Variants in NEDD8 observed in about 807,000 individuals in gnomAD.
NEDD8 encodes the protein NEDD8 ubiquitin like modifier.
Under a neutral mutation model 13.8 loss-of-function variants are expected in NEDD8, and 1 was observed. The observed-to-expected ratio is 0.07, with a 90% CI of 0.03 to 0.34. The LOEUF is 0.34. Among genes scored for constraint, NEDD8 ranks in the 10% least tolerant of loss-of-function variants. The probability of loss-of-function intolerance (pLI) is 0.99; values close to 1 mark genes in which losing one functional copy is unlikely to be tolerated. For synonymous variants in NEDD8, 31 were observed against 33.2 expected, an observed-to-expected ratio of 0.93 and a Z score of 0.23; for missense variants, 10 against 95.2, an observed-to-expected ratio of 0.10 and a Z score of 3.73.
chr14:24,226,493 C>T (rs1218626251), intron 1 of NEDD8: 1 of 146,144 alleles, frequency 6.8e-6, no homozygotes, highest in African/African-American at 2.5e-5. Flanking sequence ...CAAAACAAAA[C>T]AAAACAAAAG....
intron 1 of NEDD8, among the ~76,000 whole-genome samples, chr14:24,220,823 T>C (rs1210175651): frequency 1.3e-5 from 2 of 152,260 alleles, no homozygotes; most frequent in African/African-American, 4.8e-5. Context: ...TGTGCTTTTA[T>C]TTCTGTACTC....
Position 24,227,328 on chromosome 14 carries a change from G to T in NEDD8, c.18+4922C>A, listed in dbSNP as rs893452692. On this transcript the variant is annotated intron_variant, in intron 1 of 3. Coordinates refer to ENST00000250495, the MANE Select transcript of NEDD8 (RefSeq NM_006156.3). ...CAATGAGGAAATCAATGAAGGATCT[G>T]GGGTTAGGGAGTAATATAATGAAAA... 6 of 152,170 alleles carry T rather than the reference G, an allele frequency of 3.9e-5. No individual in the cohort carries two copies. In the East Asian group the frequency reaches 1.2e-3, roughly 29 times the overall value. 9.4% of individuals were successfully genotyped at this position (152,170 alleles called of 1,614,324 possible).
chr14:24,232,062 G>C (rs1371379772), intron 1 of NEDD8, 188 bp downstream of exon 1: 6 of 823,654 alleles, frequency 7.3e-6, no homozygotes, highest in Admixed American at 3.0e-5. Context: ...TCGTCAGGTG[G>C]GACCTGGGCC....
intron 1 of NEDD8, among the ~76,000 whole-genome samples, chr14:24,223,092 A>AG (rs1017976911): frequency 6.2e-5 from 9 of 145,022 alleles, no homozygotes; most frequent in Non-Finnish European, 1.2e-4. Flanking sequence ...TTTCAAAAAA[A>AG]AAAAAAAAAA....
At chr14:24,222,405 G>A (rs1043504616) in intron 1 of NEDD8, among the ~76,000 whole-genome samples, 5 of 152,148 alleles carry the variant, frequency 3.3e-5, no homozygotes, top group African/African-American at 1.2e-4. Context: ...AAGCTTGGAA[G>A]GGTATATACA....
chr14:24,232,176 TC>T, intron 1 of NEDD8, 73 bp downstream of exon 1: 2 of 1,608,208 alleles, frequency 1.2e-6, no homozygotes, highest in Middle Eastern at 1.7e-4. Context: ...TGGTTTTCCT[TC>T]CCCACGTCTC....
intron 1 of NEDD8, among the ~76,000 whole-genome samples, chr14:24,219,713 T>C (rs2039770277): frequency 6.6e-6 from 1 of 152,184 alleles, no homozygotes. Context: ...GCTCTATCTG[T>C]ATTAGTCTAC....
At chr14:24,222,167 C>A (rs143136548) in intron 1 of NEDD8, among the ~76,000 whole-genome samples, 7 of 152,124 alleles carry the variant, frequency 4.6e-5, no homozygotes, top group African/African-American at 1.4e-4. Context: ...GTTATTGCAA[C>A]CTTTTGATAC....
chr14:24,231,014 C>A (rs1199719109), intron 1 of NEDD8, among the ~76,000 whole-genome samples: 1 of 152,112 alleles, frequency 6.6e-6, no homozygotes, highest in Admixed American at 6.5e-5. Flanking sequence ...CTCGGCCTCC[C>A]GAATAGCTGG....
chr14:24,218,573 AG>A, intron 1 of NEDD8, 142 bp from the exon 2 acceptor site: 1 of 1,202,544 alleles, frequency 8.3e-7, no homozygotes, highest in Non-Finnish European at 1.2e-6. Context: ...GAGAATGAGA[AG>A]GCTTTGAACA....
At position 24,216,904 on chromosome 14, in the gene NEDD8, TAA is replaced by T. The variant is rs1337424599; in HGVS notation, c.*221_*222del. ...TTATTGACAACCAGGGACACAGTCATAAGAGAGGGAAGCACACAGGACTGCAA... is the reference window on the plus strand; with the variant it reads ...TTATTGACAACCAGGGACACAGTCATGAGAGGGAAGCACACAGGACTGCAA... On this transcript the variant is annotated 3_prime_UTR_variant, in exon 4 of 4. Transcript: ENST00000250495. 2 of 516,082 alleles carry T rather than the reference TAA, an allele frequency of 3.9e-6. No individual in the cohort carries two copies. Among genetic ancestry groups the T allele is most frequent in the Non-Finnish European group, 7.0e-6 (2 of 284,524 alleles). The allele number at this position is 516,082 out of a possible 1,614,324, so 32.0% of individuals were successfully genotyped here.
intron 2 of NEDD8, 31 bp from the exon 3 acceptor site, chr14:24,218,246 G>A (rs2039742355): frequency 6.2e-7 from 1 of 1,614,128 alleles, no homozygotes; most frequent in Non-Finnish European, 8.5e-7. Flanking sequence ...AGGGGCTGCT[G>A]CTTAGGGGTA....
intron 1 of NEDD8, 71 bp from the exon 2 acceptor site, chr14:24,218,502 A>G (rs2039746211): frequency 6.2e-7 from 1 of 1,610,462 alleles, no homozygotes. Context: ...AAAACATCCT[A>G]TGTTGGTCTT....
intron 1 of NEDD8, among the ~76,000 whole-genome samples, chr14:24,225,766 C>T (rs2039880896): frequency 6.6e-6 from 1 of 152,146 alleles, no homozygotes; most frequent in African/African-American, 2.4e-5. Context: ...AGACAGGGCG[C>T]GGTGGCTCAC....
chr14:24,231,188 G>A (rs1224017354), intron 1 of NEDD8, among the ~76,000 whole-genome samples: 2 of 152,182 alleles, frequency 1.3e-5, no homozygotes, highest in Non-Finnish European at 2.9e-5. Context: ...ACCGCGCCCA[G>A]CCTATTTTCT....
At chr14:24,231,963 C>G in intron 1 of NEDD8, 1 of 431,566 alleles carries the variant, frequency 2.3e-6, no homozygotes, top group Non-Finnish European at 4.1e-6. Flanking sequence ...TGCGGGGGTT[C>G]GAATACAGTG....
chr14:24,230,461 G>A (rs2138912149), intron 1 of NEDD8, among the ~76,000 whole-genome samples: 1 of 141,406 alleles, frequency 7.1e-6, no homozygotes, highest in Non-Finnish European at 1.5e-5. Flanking sequence ...CATGAACCCG[G>A]GAGGCGAAGC....
At chr14:24,225,577 G>A (rs539332258) in intron 1 of NEDD8, among the ~76,000 whole-genome samples, 1 of 152,308 alleles carries the variant, frequency 6.6e-6, no homozygotes, top group East Asian at 1.9e-4. Context: ...GCTATGAGAT[G>A]ATAATTTTTG....
In NEDD8 at chr14:24,231,914, G is replaced by C. The variant is rs2040039056; in HGVS notation, c.18+336C>G. On this transcript the variant is annotated intron_variant, in intron 1 of 3. Transcript: ENST00000250495. ...CAGCGCTTACTCCAAGAATCTGAGAGACGGGGGAGTCAAGCCGCTGCTAGG... is the reference window on the plus strand; with the variant it reads ...CAGCGCTTACTCCAAGAATCTGAGACACGGGGGAGTCAAGCCGCTGCTAGG... 4 of 319,332 alleles carry C rather than the reference G, an allele frequency of 1.3e-5. No individual in the cohort carries two copies. The East Asian group carries it at 2.3e-4, about 19-fold the overall frequency. The allele number at this position is 319,332 out of a possible 1,614,324, so 19.8% of individuals were successfully genotyped here.
Sources: allele counts gnomAD v4.1 joint callset (sites outside exome capture counted in the v4.1 genomes callset), GRCh38; gene constraint gnomAD v4.1.1; transcripts MANE v1.5; gene names NCBI Gene and HGNC (gene_info 2026-07-23, HGNC 2026-07-21).